SNX24: variants seen among roughly 807,000 people sequenced by gnomAD.
SNX24 encodes the protein sorting nexin 24, also known as sorting nexin-24.
Under a neutral mutation model 28.7 loss-of-function variants are expected in SNX24, and 22 were observed. That is an observed-to-expected ratio of 0.77 (90% CI 0.55 to 1.10). The LOEUF (loss-of-function observed/expected upper bound fraction) is 1.10, where lower values mean the gene tolerates loss of function less well. Among genes scored for constraint, SNX24 ranks in the 50% least tolerant of loss-of-function variants. The pLI is 0.00. For missense variants in SNX24, 221 were observed against 201.1 expected (o/e 1.10, Z -0.60); for synonymous variants, 69 against 71.5 (o/e 0.96, Z 0.18).
intron 1 of SNX24, among the ~76,000 whole-genome samples, chr5:122,924,563 C>A (rs532538257): frequency 6.6e-6 from 1 of 152,250 alleles, no homozygotes; most frequent in Non-Finnish European, 1.5e-5. Flanking sequence ...TGGAATTTTT[C>A]ATTTCATATT....
rs1160026372 is a variant in SNX24 at position 122,979,251 on chromosome 5, A to G, written c.250-20661A>G. Reference sequence around the variant, plus strand: ...AGTGGTAAATGAGCATCAAGCGTGCAAGAAGACGATGAATTGTTTACTTGC... The same window carrying G: ...AGTGGTAAATGAGCATCAAGCGTGCGAGAAGACGATGAATTGTTTACTTGC... On this transcript the variant is annotated intron_variant, in intron 3 of 6. Coordinates refer to ENST00000261369, the MANE Select transcript of SNX24 (RefSeq NM_014035.4). 5.3e-5 allele frequency among the ~76,000 whole-genome samples: 8 copies of G among 152,224 alleles called. No homozygotes were observed. In the South Asian group the frequency reaches 1.0e-3, roughly 20 times the overall value.
intron 3 of SNX24, among the ~76,000 whole-genome samples, chr5:122,975,257 A>G (rs1761119763): frequency 6.6e-6 from 1 of 152,328 alleles, no homozygotes; most frequent in East Asian, 1.9e-4. Flanking sequence ...ACCTAACTTT[A>G]GCTCAATCCT....
intron 3 of SNX24, among the ~76,000 whole-genome samples, chr5:122,979,031 T>C (rs1461685939): frequency 6.6e-6 from 1 of 151,548 alleles, no homozygotes; most frequent in Admixed American, 6.6e-5. Context: ...ACAGGGTAAA[T>C]GTAATATATC....
chr5:123,007,103 G>C (rs1762445608), intron 6 of SNX24, among the ~76,000 whole-genome samples: 1 of 152,122 alleles, frequency 6.6e-6, no homozygotes, highest in African/African-American at 2.4e-5. Context: ...CTCCCTTCCT[G>C]TCTCCTATAA....
At chr5:122,869,683 T>G (rs1450793014) in intron 1 of SNX24, among the ~76,000 whole-genome samples, 3 of 152,196 alleles carry the variant, frequency 2.0e-5, no homozygotes, top group Non-Finnish European at 2.9e-5. Context: ...TCATAAAAAT[T>G]ATTGGAATAT....
At chr5:122,873,937 T>A (rs13176127) in intron 1 of SNX24, among the ~76,000 whole-genome samples, 3,996 of 152,106 alleles carry the variant, frequency 0.026, 70 homozygotes, top group Non-Finnish European at 0.037. Context: ...GGCTAATTTT[T>A]TTGTGTATTT....
At chr5:122,951,886 G>A (rs768805603) in intron 3 of SNX24, among the ~76,000 whole-genome samples, 1 of 152,142 alleles carries the variant, frequency 6.6e-6, no homozygotes, top group Admixed American at 6.5e-5. Context: ...CATGGGGTGC[G>A]CAGGGAAGCT....
chr5:122,931,238 C>T (rs1195732515), intron 1 of SNX24, among the ~76,000 whole-genome samples: 3 of 152,158 alleles, frequency 2.0e-5, no homozygotes, highest in African/African-American at 4.8e-5. Flanking sequence ...ATAGAGGAAA[C>T]GTGACTTCAG....
At chr5:122,866,450 T>C (rs1457050234) in intron 1 of SNX24, among the ~76,000 whole-genome samples, 1 of 152,150 alleles carries the variant, frequency 6.6e-6, no homozygotes, top group Non-Finnish European at 1.5e-5. Context: ...CGCCCTGCCA[T>C]AACTGGTATT....
At chr5:122,888,224 G>C (rs1756800757) in intron 1 of SNX24, among the ~76,000 whole-genome samples, 1 of 151,976 alleles carries the variant, frequency 6.6e-6, no homozygotes, top group South Asian at 2.1e-4. Flanking sequence ...TAATCTGCAG[G>C]CTTACTTGGA....
intron 1 of SNX24, among the ~76,000 whole-genome samples, chr5:122,889,658 T>C (rs1006089927): frequency 2.7e-5 from 4 of 147,062 alleles, no homozygotes; most frequent in African/African-American, 1.0e-4. Flanking sequence ...TATGTATATA[T>C]ATGTGTATAT....
chr5:122,881,473 G>A (rs257813), intron 1 of SNX24, among the ~76,000 whole-genome samples: 118,202 of 152,022 alleles, frequency 0.78, 46,986 homozygotes, highest in East Asian at 0.99. Flanking sequence ...TCCCAGACCT[G>A]CAAAATCGGA....
chr5:122,900,906 A>G (rs1757414977), intron 1 of SNX24, among the ~76,000 whole-genome samples: 1 of 152,224 alleles, frequency 6.6e-6, no homozygotes, highest in Non-Finnish European at 1.5e-5. Context: ...ATATGTCTTG[A>G]AAGGCAAAAT....
chr5:122,946,454 T>TTGC (rs1257920275), intron 3 of SNX24, among the ~76,000 whole-genome samples: 3 of 152,264 alleles, frequency 2.0e-5, no homozygotes, highest in Admixed American at 6.5e-5. Flanking sequence ...TTTTTGCTTT[T>TTGC]TGCTTTTCCT....
At chr5:122,852,980 TAC>T (rs1754990347) in intron 1 of SNX24, among the ~76,000 whole-genome samples, 3 of 152,110 alleles carry the variant, frequency 2.0e-5, no homozygotes, top group East Asian at 3.9e-4. Context: ...TACCAGCATG[TAC>T]AATGAAGGAG....
intron 3 of SNX24, among the ~76,000 whole-genome samples, chr5:122,962,596 G>A (rs913836598): frequency 1.3e-5 from 2 of 152,224 alleles, no homozygotes; most frequent in African/African-American, 2.4e-5. Flanking sequence ...CCTGATGAAA[G>A]CCAAGCCTAC....
chr5:123,007,619 T>C (rs1376641371), intron 6 of SNX24, 63 bp from the exon 7 acceptor site: 2 of 1,410,704 alleles, frequency 1.4e-6, no homozygotes, highest in East Asian at 4.6e-5. Context: ...TGCAATTATA[T>C]TTTGTTTCAC....
At position 123,004,897 on chromosome 5, in the gene SNX24, A is replaced by G. The variant is rs1019122975; in HGVS notation, c.443-2785A>G. On this transcript the variant is annotated intron_variant, in intron 6 of 6. Coordinates refer to ENST00000261369, the MANE Select transcript of SNX24 (RefSeq NM_014035.4). ...CCCATTCACAATACATGTTCATTAA[A>G]TAAGCAAAAACCAACAAAAATAACA... is the stretch of plus-strand genomic sequence containing the variant. Among the ~76,000 whole-genome samples, 20 of 152,368 alleles carry G rather than the reference A, an allele frequency of 1.3e-4. No homozygotes were observed. The East Asian group carries it at 3.9e-3, about 29-fold the overall frequency.
intron 1 of SNX24, among the ~76,000 whole-genome samples, chr5:122,888,016 A>G (rs1485083877): frequency 1.3e-5 from 2 of 152,214 alleles, no homozygotes; most frequent in African/African-American, 2.4e-5. Flanking sequence ...TTGTATAAAT[A>G]TATAGGATTT....
Sources: allele counts gnomAD v4.1 joint callset (sites outside exome capture counted in the v4.1 genomes callset), GRCh38; gene constraint gnomAD v4.1.1; transcripts MANE v1.5; gene names NCBI Gene and HGNC (gene_info 2026-07-23, HGNC 2026-07-21).